RBFOX3: variants seen among roughly 807,000 people sequenced by gnomAD.
The protein encoded by RBFOX3 is RNA binding fox-1 homolog 3.
A neutral mutation model predicts 48.7 loss-of-function variants in RBFOX3; 17 were observed. The observed-to-expected ratio is 0.35, with a 90% CI of 0.24 to 0.52. The LOEUF is 0.52. Ranked by LOEUF, RBFOX3 falls within the 20% of genes least tolerant of loss-of-function variation. The probability of loss-of-function intolerance (pLI) is 0.94; values close to 1 mark genes in which losing one functional copy is unlikely to be tolerated. For missense variants in RBFOX3, 382 were observed against 497.5 expected (o/e 0.77, Z 2.21); for synonymous variants, 212 against 209.5 (o/e 1.01, Z -0.10).
intron 4 of RBFOX3, among the ~76,000 whole-genome samples, chr17:79,154,551 C>T (rs1250736682): frequency 6.6e-6 from 1 of 152,230 alleles, no homozygotes; most frequent in African/African-American, 2.4e-5. Context: ...CAGAACCTGA[C>T]TGGAGAGGTC....
At chr17:79,112,134 C>G (rs1473603809) in intron 5 of RBFOX3, among the ~76,000 whole-genome samples, 4 of 152,166 alleles carry the variant, frequency 2.6e-5, no homozygotes, top group Non-Finnish European at 4.4e-5. Context: ...AGGGGAGGAG[C>G]CTTCCTGGGG....
the RBFOX3 span, among the ~76,000 whole-genome samples, chr17:79,620,455 GCA>G: frequency 2.2e-5 from 3 of 139,366 alleles, no homozygotes; most frequent in African/African-American, 5.3e-5. Flanking sequence ...GCACACATGC[GCA>G]CACACATGCA....
intron 2 of RBFOX3, among the ~76,000 whole-genome samples, chr17:79,448,369 A>G (rs150385945): frequency 6.6e-6 from 1 of 152,318 alleles, no homozygotes; most frequent in East Asian, 1.9e-4. Context: ...CTTTGCAGAC[A>G]AATTTAAGGT....
intron 4 of RBFOX3, among the ~76,000 whole-genome samples, chr17:79,157,444 C>A (rs2046066450): frequency 6.6e-6 from 1 of 152,248 alleles, no homozygotes; most frequent in Admixed American, 6.5e-5. Context: ...AGGGAACCTG[C>A]CAAGAACACA....
chr17:79,246,762 G>A (rs58116320), intron 3 of RBFOX3, among the ~76,000 whole-genome samples: 11,075 of 152,236 alleles, frequency 0.073, 420 homozygotes, highest in South Asian at 0.11. Flanking sequence ...CTGCAGAGAG[G>A]GATGTGGCTG....
intron 1 of RBFOX3, among the ~76,000 whole-genome samples, chr17:79,594,432 C>G (rs1295119960): frequency 3.9e-5 from 6 of 152,306 alleles, no homozygotes; most frequent in South Asian, 4.1e-4. Flanking sequence ...CCCAGATGCT[C>G]CTGTTCACAC....
At chr17:79,340,722 GA>G (rs112341531) in intron 2 of RBFOX3, among the ~76,000 whole-genome samples, 68 of 147,794 alleles carry the variant, frequency 4.6e-4, no homozygotes, top group African/African-American at 1.4e-3. Context: ...TCCGATGAAT[GA>G]AAAAAAAAAG....
chr17:79,102,885 C>A (rs1376690962), intron 8 of RBFOX3, among the ~76,000 whole-genome samples: 1 of 152,200 alleles, frequency 6.6e-6, no homozygotes, highest in Admixed American at 6.5e-5. Flanking sequence ...ATTTCTGGGG[C>A]TCCTCCAGTG....
intron 4 of RBFOX3, among the ~76,000 whole-genome samples, chr17:79,137,466 G>A (rs1010983361): frequency 2.0e-5 from 3 of 152,182 alleles, no homozygotes; most frequent in South Asian, 2.1e-4. Context: ...CGCCTTACCC[G>A]ACCCCTCCAC....
At chr17:79,128,545 C>A (rs1345925381) in intron 4 of RBFOX3, among the ~76,000 whole-genome samples, 1 of 152,214 alleles carries the variant, frequency 6.6e-6, no homozygotes, top group African/African-American at 2.4e-5. Flanking sequence ...AAACAGGCCA[C>A]CTCTACAGCT....
Position 79,421,680 on chromosome 17 carries a change from A to G in RBFOX3, c.-175+60774T>C, listed in dbSNP as rs868978593. Among the ~76,000 whole-genome samples the G allele has an allele frequency of 7.2e-5, 11 of 152,158 alleles. No homozygotes were observed. The highest frequency in any genetic ancestry group is 3.2e-3 in the Middle Eastern group (1 of 316). ...ACCGAACGCGGTCACCATAGGACCA[A>G]ACAAGATGACCATAGGACCAAGCAA... On this transcript the variant is annotated intron_variant, in intron 2 of 14. Transcript: ENST00000693108. The surrounding 1 kb of genome is among the most constrained non-coding windows in gnomAD (Gnocchi z 4.5).
intron 1 of RBFOX3, among the ~76,000 whole-genome samples, chr17:79,582,532 G>T (rs905351076): frequency 1.3e-5 from 2 of 152,118 alleles, no homozygotes; most frequent in Admixed American, 1.3e-4. Flanking sequence ...ACCGGGTGCG[G>T]TGGCTCACAC....
At chr17:79,285,679 T>TTTTTG (rs945658725) in intron 3 of RBFOX3, among the ~76,000 whole-genome samples, 5 of 147,306 alleles carry the variant, frequency 3.4e-5, no homozygotes, top group Admixed American at 2.7e-4. Context: ...CATGCATTGG[T>TTTTTG]TTTTGTTTTG....
chr17:79,110,809 G>A (rs142727187), intron 5 of RBFOX3, among the ~76,000 whole-genome samples: 11 of 152,330 alleles, frequency 7.2e-5, no homozygotes, highest in Admixed American at 1.3e-4. Context: ...ACCGTGGCAC[G>A]GGCAGCCGAC....
At chr17:79,176,769 C>A (rs1423656102) in intron 4 of RBFOX3, among the ~76,000 whole-genome samples, 1 of 151,892 alleles carries the variant, frequency 6.6e-6, no homozygotes, top group Admixed American at 6.6e-5. Context: ...AAAAAAATGA[C>A]CGTGGCAGAG....
intron 4 of RBFOX3, among the ~76,000 whole-genome samples, chr17:79,145,887 T>C (rs1397555337): frequency 3.3e-5 from 5 of 152,010 alleles, no homozygotes; most frequent in Non-Finnish European, 5.9e-5. Context: ...ACTGGTTTCA[T>C]GGAAGACAAT....
chr17:79,293,411 CCTTCCTTCCTTCCTTCCTTCCTTCCTT>C (rs2073745123), intron 3 of RBFOX3, among the ~76,000 whole-genome samples: 1 of 3,332 alleles, frequency 3.0e-4, no homozygotes, highest in African/African-American at 2.0e-3. Flanking sequence ...CCCCTCCACC[CCTTCCTTCCTTCCTTCCTTCCTTCCTT>C]CCTTCCTTCC....
intron 1 of RBFOX3, among the ~76,000 whole-genome samples, chr17:79,541,241 G>GATTC (rs1555790217): frequency 6.6e-6 from 1 of 151,732 alleles, no homozygotes; most frequent in Non-Finnish European, 1.5e-5. Flanking sequence ...AAATAAATTA[G>GATTC]ATTCCAAGCT....
intron 2 of RBFOX3, among the ~76,000 whole-genome samples, chr17:79,395,788 C>T (rs530920810): frequency 1.3e-3 from 197 of 152,360 alleles, no homozygotes; most frequent in African/African-American, 4.5e-3. Flanking sequence ...GAGCCCATCA[C>T]GTCAGCCCTG....
Sources: allele counts gnomAD v4.1 joint callset (sites outside exome capture counted in the v4.1 genomes callset), GRCh38; gene constraint gnomAD v4.1.1; non-coding constraint Gnocchi (gnomAD v3.1); transcripts MANE v1.5; gene names NCBI Gene and HGNC (gene_info 2026-07-23, HGNC 2026-07-21).